NEMP2: variants seen among roughly 807,000 people sequenced by gnomAD.
NEMP2 encodes the protein nuclear envelope integral membrane protein 2.
A neutral mutation model predicts 54.2 loss-of-function variants in NEMP2; 53 were observed. The ratio of observed to expected loss-of-function variants is 0.98; its 90% CI spans 0.78 to 1.23. The LOEUF (loss-of-function observed/expected upper bound fraction) is 1.23. Among genes scored for constraint, NEMP2 ranks in the 50% most tolerant of loss-of-function variants. The pLI, the probability that NEMP2 is intolerant of heterozygous loss-of-function variation, is 0.00. For missense variants in NEMP2, 455 were observed against 511.3 expected (o/e 0.89, Z 1.06); for synonymous variants, 197 against 190.3 (o/e 1.04, Z -0.29).
the NEMP2 span, among the ~76,000 whole-genome samples, chr2:190,602,603 C>T: frequency 6.6e-6 from 1 of 152,214 alleles, no homozygotes; most frequent in Non-Finnish European, 1.5e-5. Context: ...GAGTGCCCTT[C>T]AGTCACCAGG....
chr2:190,597,663 G>A, the NEMP2 span, among the ~76,000 whole-genome samples: 2 of 152,086 alleles, frequency 1.3e-5, no homozygotes, highest in African/African-American at 4.8e-5. The surrounding 1 kb of genome is among the most constrained non-coding windows in gnomAD (Gnocchi z 4.7). Context: ...CAGTAGTTGC[G>A]AATCCCAGGC....
At chr2:190,601,825 G>A in the NEMP2 span, among the ~76,000 whole-genome samples, 3 of 152,074 alleles carry the variant, frequency 2.0e-5, no homozygotes, top group Non-Finnish European at 2.9e-5. This position sits in a 1 kb window ranked among gnomAD's most constrained non-coding sequence, Gnocchi z 5.8. Context: ...TCTAAGCAAC[G>A]GCAGTAGAAA....
the NEMP2 span, among the ~76,000 whole-genome samples, chr2:190,462,220 C>T: frequency 6.6e-6 from 1 of 152,000 alleles, no homozygotes; most frequent in Non-Finnish European, 1.5e-5. This position sits in a 1 kb window ranked among gnomAD's most constrained non-coding sequence, Gnocchi z 5.7. Context: ...GAAATGGGAA[C>T]AGAATAACCA....
chr2:190,532,995 T>C (rs924553493), intron 1 of NEMP2, among the ~76,000 whole-genome samples: 2 of 152,240 alleles, frequency 1.3e-5, no homozygotes, highest in African/African-American at 4.8e-5. Context: ...AATAAGTATT[T>C]ATGTGTGTCT....
rs1489287508 is a variant in NEMP2 at position 190,506,427 on chromosome 2, T to C, written c.*2762A>G. 6.6e-6 allele frequency: 1 copy of C among 152,252 alleles called. No individual in the cohort carries two copies. The highest frequency in any genetic ancestry group is 1.5e-5 in the Non-Finnish European group (1 of 68,044). The allele number at this position is 152,252 out of a possible 1,614,324, so 9.4% of individuals were successfully genotyped here. ...AGCATAATGTAAGAGAGCATTTCTTTAGTTGACATCATTTCAGGATCTTAA... is the reference window on the plus strand; with the variant it reads ...AGCATAATGTAAGAGAGCATTTCTTCAGTTGACATCATTTCAGGATCTTAA... On this transcript the variant is annotated 3_prime_UTR_variant, in exon 9 of 9. Coordinates refer to ENST00000409150, the MANE Select transcript of NEMP2 (RefSeq NM_001142645.2). The surrounding 1 kb of genome is among the most constrained non-coding windows in gnomAD (Gnocchi z 6.3).
At chr2:190,554,389 A>G in the NEMP2 span, among the ~76,000 whole-genome samples, 3 of 152,278 alleles carry the variant, frequency 2.0e-5, no homozygotes, top group African/African-American at 4.8e-5. The surrounding 1 kb of genome is among the most constrained non-coding windows in gnomAD (Gnocchi z 5.7). Context: ...AGAGCCTAGC[A>G]AGCTAAGATC....
chr2:190,432,845 CTCT>C, the NEMP2 span, among the ~76,000 whole-genome samples: 1 of 148,718 alleles, frequency 6.7e-6, no homozygotes, highest in Non-Finnish European at 1.5e-5. Flanking sequence ...CACACACTCT[CTCT>C]CTCTCTCTCT....
At chr2:190,555,031 C>CCTCCAGCAAG in the NEMP2 span, among the ~76,000 whole-genome samples, 1,702 of 152,252 alleles carry the variant, frequency 0.011, 35 homozygotes, top group African/African-American at 0.038. The surrounding 1 kb of genome is among the most constrained non-coding windows in gnomAD (Gnocchi z 4.8). Flanking sequence ...CTGGAGTGGA[C>CCTCCAGCAAG]CTCCAGCAAG....
chr2:190,548,566 T>C, the NEMP2 span, among the ~76,000 whole-genome samples: 2 of 152,234 alleles, frequency 1.3e-5, no homozygotes, highest in Non-Finnish European at 2.9e-5. Flanking sequence ...TTTCTACTTT[T>C]TGCTGTATAT....
chr2:190,627,194 T>C, the NEMP2 span, among the ~76,000 whole-genome samples: 34 of 152,368 alleles, frequency 2.2e-4, 1 homozygote, highest in South Asian at 6.8e-3. This position sits in a 1 kb window ranked among gnomAD's most constrained non-coding sequence, Gnocchi z 4.4. Flanking sequence ...CTTAGCACTG[T>C]GCCTGGCACA....
the NEMP2 span, among the ~76,000 whole-genome samples, chr2:190,427,739 C>CA: frequency 8.5e-5 from 12 of 140,480 alleles, no homozygotes; most frequent in East Asian, 2.5e-3. Flanking sequence ...TTTTTTTTTT[C>CA]TTTTTTTTTG....
chr2:190,598,950 C>A, the NEMP2 span, among the ~76,000 whole-genome samples: 26 of 152,280 alleles, frequency 1.7e-4, 1 homozygote, highest in African/African-American at 5.8e-4. Flanking sequence ...AAAAACACTG[C>A]AAATGGTGTT....
At chr2:190,569,778 G>A in the NEMP2 span, among the ~76,000 whole-genome samples, 1 of 152,186 alleles carries the variant, frequency 6.6e-6, no homozygotes, top group Admixed American at 6.5e-5. Flanking sequence ...AATTACCTCT[G>A]TGTAATTCAA....
chr2:190,619,869 G>A, the NEMP2 span, among the ~76,000 whole-genome samples: 1 of 152,106 alleles, frequency 6.6e-6, no homozygotes, highest in East Asian at 1.9e-4. The surrounding 1 kb of genome is among the most constrained non-coding windows in gnomAD (Gnocchi z 5.5). Context: ...ACAGAAAGTT[G>A]GAGAATGGTC....
At position 190,525,421 on chromosome 2, in the gene NEMP2, G is replaced by T; in HGVS notation, c.98-43C>A. The T allele has an allele frequency of 8.5e-7, 1 of 1,179,494 alleles. No individual in the cohort carries two copies. Among genetic ancestry groups the T allele is most frequent in the Non-Finnish European group, 1.2e-6 (1 of 833,668 alleles). The allele number at this position is 1,179,494 out of a possible 1,614,324, so 73.1% of individuals were successfully genotyped here. On this transcript the variant is annotated intron_variant, in intron 1 of 8. Coordinates refer to ENST00000409150, the MANE Select transcript of NEMP2 (RefSeq NM_001142645.2). This position sits in a 1 kb window ranked among gnomAD's most constrained non-coding sequence, Gnocchi z 5.0. ...GAATGCATTTTCTAACTGTTTAATTGCCCAGAATCTTTTTTAAAAAAAGTT... is the reference window on the plus strand; with the variant it reads ...GAATGCATTTTCTAACTGTTTAATTTCCCAGAATCTTTTTTAAAAAAAGTT...
chr2:190,437,478 G>T, the NEMP2 span: 43 of 1,614,000 alleles, frequency 2.7e-5, no homozygotes, highest in Middle Eastern at 1.6e-4. This position sits in a 1 kb window ranked among gnomAD's most constrained non-coding sequence, Gnocchi z 5.9. Flanking sequence ...CCCTCTTTGG[G>T]GTCTGTTCAG....
chr2:190,592,873 G>T, the NEMP2 span, among the ~76,000 whole-genome samples: 1 of 152,172 alleles, frequency 6.6e-6, no homozygotes, highest in Non-Finnish European at 1.5e-5. The surrounding 1 kb of genome is among the most constrained non-coding windows in gnomAD (Gnocchi z 4.4). Flanking sequence ...TGTATTAAGA[G>T]TAATTAATTC....
At chr2:190,476,085 G>A in the NEMP2 span, among the ~76,000 whole-genome samples, 1 of 151,834 alleles carries the variant, frequency 6.6e-6, no homozygotes, top group Non-Finnish European at 1.5e-5. Flanking sequence ...AGACTTAAAT[G>A]TTAGACCTAA....
rs767518351 is a variant in NEMP2 at position 190,510,166 on chromosome 2, ATATT to A, written c.1130+191_1130+194del. Among the ~76,000 whole-genome samples, 1 of 152,206 alleles carries A rather than the reference ATATT, an allele frequency of 6.6e-6. No homozygotes were observed. The highest frequency in any genetic ancestry group is 2.4e-5 in the African/African-American group (1 of 41,450). On this transcript the variant is annotated intron_variant, in intron 8 of 8. Transcript: ENST00000409150. The surrounding 1 kb of genome is among the most constrained non-coding windows in gnomAD (Gnocchi z 5.7). The stretch of plus-strand genomic sequence containing the variant: ...GCCTTCCCTATAAAACATCAGATAA[ATATT>A]TATTCTGACATCAGCAGTTCTACTG...
Sources: gnomAD v4.1 joint callset for allele counts (sites outside exome capture counted in the v4.1 genomes callset) on GRCh38, gnomAD v4.1.1 for gene constraint, Gnocchi (gnomAD v3.1) non-coding constraint, MANE v1.5 for transcripts, NCBI Gene and HGNC (gene_info 2026-07-23, HGNC 2026-07-21) for gene names.